DNAH14: variants seen among roughly 807,000 people sequenced by gnomAD.
DNAH14 encodes the protein axonemal beta dynein heavy chain 14.
In DNAH14, 478 loss-of-function variants were observed where a neutral mutation model predicts 520.9. The ratio of observed to expected loss-of-function variants is 0.92; its 90% CI spans 0.85 to 0.99. The LOEUF (loss-of-function observed/expected upper bound fraction) is 0.99, where lower values mean the gene tolerates loss of function less well. Among genes scored for constraint, DNAH14 ranks in the 50% least tolerant of loss-of-function variants. The pLI, the probability that DNAH14 is intolerant of heterozygous loss-of-function variation, is 0.00. For synonymous variants in DNAH14, 1,581 were observed against 1,757.2 expected (o/e 0.90, Z 2.51); for missense variants, 4,831 against 5,234.5 (o/e 0.92, Z 2.38).
intron 46 of DNAH14, among the ~76,000 whole-genome samples, chr1:225,263,282 A>T (rs1325092702): frequency 6.6e-6 from 1 of 150,884 alleles, no homozygotes; most frequent in African/African-American, 2.5e-5. Context: ...TGGATATCTT[A>T]TAAACATTTC....
chr1:225,159,947 C>T (rs899232105), intron 35 of DNAH14, among the ~76,000 whole-genome samples: 2 of 151,982 alleles, frequency 1.3e-5, no homozygotes, highest in African/African-American at 2.4e-5. Context: ...TAGGTAAGAA[C>T]TCAATGTCTC....
At chr1:225,152,140 G>T in intron 32 of DNAH14, 67 bp downstream of exon 32, 1 of 1,372,406 alleles carries the variant, frequency 7.3e-7, no homozygotes, top group East Asian at 2.5e-5. Flanking sequence ...CTTATCTACA[G>T]ATGGAGTTGC....
chr1:225,351,107 AG>A (rs1178470648), intron 71 of DNAH14, among the ~76,000 whole-genome samples: 2 of 152,200 alleles, frequency 1.3e-5, no homozygotes, highest in Non-Finnish European at 2.9e-5. Context: ...TGTACACTTA[AG>A]AATGGTTAAG....
At chr1:224,996,892 T>C (rs943650255) in intron 8 of DNAH14, among the ~76,000 whole-genome samples, 3 of 152,148 alleles carry the variant, frequency 2.0e-5, no homozygotes, top group Non-Finnish European at 2.9e-5. Context: ...TTTAACCTGC[T>C]GGGTGTAGAA....
intron 42 of DNAH14, among the ~76,000 whole-genome samples, chr1:225,239,662 T>C (rs547091884): frequency 2.0e-5 from 3 of 152,184 alleles, no homozygotes; most frequent in Non-Finnish European, 4.4e-5. Context: ...TTTACACTTA[T>C]CATTGTTTAG....
chr1:225,248,939 C>T (rs1228381491), intron 43 of DNAH14, among the ~76,000 whole-genome samples: 3 of 152,186 alleles, frequency 2.0e-5, no homozygotes, highest in African/African-American at 7.2e-5. Context: ...GGTACAACTC[C>T]ATTGCAGTTT....
At chr1:224,935,635 A>T (rs2058982647) in intron 1 of DNAH14, among the ~76,000 whole-genome samples, 1 of 151,870 alleles carries the variant, frequency 6.6e-6, no homozygotes. Context: ...TCAATACCCC[A>T]CTCTCAGTAT....
chr1:225,349,623 T>G (rs1016742241), intron 71 of DNAH14, among the ~76,000 whole-genome samples: 2 of 152,182 alleles, frequency 1.3e-5, no homozygotes, highest in Admixed American at 6.6e-5. Context: ...TCCATGCAAG[T>G]GGTAACCAAA....
In DNAH14 at chr1:225,322,772, T is replaced by G. The variant is rs761365392; in HGVS notation, c.9444T>G (p.Thr3148=). The change falls in exon 62 of 86, where the codon ACT becomes ACG. Residue 3148 remains threonine (T), a synonymous_variant. Coordinates refer to ENST00000682510, the MANE Select transcript of DNAH14 (RefSeq NM_001367479.1). ...CGGCAAAGTTACTTCTTTCAGAAAC[T>G]GGTTTCCTGAAAAAATTGATTAACC... is the stretch of plus-strand genomic sequence containing the variant. ...WATAKLLLSE[T]GFLKKLINLD... is the part of the protein sequence containing the mutation. The G allele has an allele frequency of 6.4e-7, 1 of 1,551,888 alleles. No individual in the cohort carries two copies. Among genetic ancestry groups the G allele is most frequent in the South Asian group, 1.2e-5 (1 of 84,056 alleles).
intron 23 of DNAH14, among the ~76,000 whole-genome samples, chr1:225,109,404 A>G (rs1366692252): frequency 2.6e-5 from 4 of 151,986 alleles, no homozygotes; most frequent in Admixed American, 6.6e-5. Flanking sequence ...TCAATGTTTT[A>G]TATTTTTTAT....
intron 36 of DNAH14, among the ~76,000 whole-genome samples, chr1:225,173,402 C>G (rs2082930922): frequency 6.6e-6 from 1 of 152,156 alleles, no homozygotes; most frequent in South Asian, 2.1e-4. Flanking sequence ...AGAACTCAAA[C>G]AAATCTACAA....
chr1:225,053,077 T>G (rs2068697855), intron 17 of DNAH14, among the ~76,000 whole-genome samples: 1 of 152,062 alleles, frequency 6.6e-6, no homozygotes, highest in Non-Finnish European at 1.5e-5. Context: ...CCCCCACACT[T>G]TTGCTTTTAT....
At chr1:225,283,785 TA>T (rs1328747989) in intron 54 of DNAH14, among the ~76,000 whole-genome samples, 3 of 152,124 alleles carry the variant, frequency 2.0e-5, no homozygotes, top group African/African-American at 7.2e-5. Context: ...TGCCAAGCCA[TA>T]AAACAAGCCT....
chr1:225,341,272 A>C (rs1369374936), intron 69 of DNAH14, among the ~76,000 whole-genome samples: 1 of 152,066 alleles, frequency 6.6e-6, no homozygotes, highest in Non-Finnish European at 1.5e-5. Context: ...ACCCGACTTA[A>C]TAACTAAAAG....
At chr1:225,165,070 A>G (rs1374554448) in intron 35 of DNAH14, among the ~76,000 whole-genome samples, 1 of 152,066 alleles carries the variant, frequency 6.6e-6, no homozygotes, top group Admixed American at 6.6e-5. Context: ...TTAATATTTG[A>G]GACTGTTTTT....
chr1:225,058,505 A>G (rs2069498233), intron 17 of DNAH14, among the ~76,000 whole-genome samples: 2 of 151,996 alleles, frequency 1.3e-5, no homozygotes, highest in African/African-American at 4.8e-5. Flanking sequence ...TGATTTTTTG[A>G]AGGGTGTTTT....
rs1371112580 is a variant in DNAH14, at chr1:225,259,143, T to G, written c.7047T>G (p.Thr2349=). ...TAGGAGAATCTGGTGTTGGGAAAAC[T>G]GCTGCCATTAATCAAATGCTTGAAA... The part of the protein sequence containing the change: ...LLTGESGVGK[T]AAINQMLEKL... The change falls in exon 46 of 86, where the codon ACT becomes ACG. Residue 2349 remains threonine (T), a synonymous_variant. Coordinates refer to ENST00000682510, the MANE Select transcript of DNAH14 (RefSeq NM_001367479.1). 3 of 1,542,452 alleles carry G rather than the reference T, an allele frequency of 1.9e-6. No individual in the cohort carries two copies. The highest frequency in any genetic ancestry group is 2.8e-5 in the African/African-American group (2 of 72,420).
At chr1:225,038,381 C>T (rs1164141788) in intron 11 of DNAH14, among the ~76,000 whole-genome samples, 1 of 151,798 alleles carries the variant, frequency 6.6e-6, no homozygotes, top group Non-Finnish European at 1.5e-5. Flanking sequence ...TCTGTACTCT[C>T]CTTGTACTTC....
At chr1:225,351,961 C>T in intron 72 of DNAH14, 78 bp downstream of exon 72, 1 of 1,160,594 alleles carries the variant, frequency 8.6e-7, no homozygotes, top group Non-Finnish European at 1.2e-6. Flanking sequence ...AAATGTCGTA[C>T]ATTATCTTAC....
Sources: gnomAD v4.1 joint callset for allele counts (sites outside exome capture counted in the v4.1 genomes callset) on GRCh38, gnomAD v4.1.1 for gene constraint, MANE v1.5 for transcripts, NCBI Gene and HGNC (gene_info 2026-07-23, HGNC 2026-07-21) for gene names.